The following USP34 variants were observed in gnomAD, a reference collection of about 807,000 sequenced individuals.
USP34 encodes the protein ubiquitin carboxyl-terminal hydrolase 34.
A neutral mutation model predicts 460.3 loss-of-function variants in USP34; 70 were observed. The observed-to-expected ratio is 0.15, with a 90% CI of 0.13 to 0.19. The LOEUF is 0.19. Among genes scored for constraint, USP34 ranks in the 10% least tolerant of loss-of-function variants. USP34 has a pLI of 1.00. For missense variants in USP34, 3,985 were observed against 4,236.2 expected (o/e 0.94, Z 1.65); for synonymous variants, 1,647 against 1,405.3 (o/e 1.17, Z -3.85).
chr2:61,351,419 G>A (rs1400932156), intron 10 of USP34, among the ~76,000 whole-genome samples: 2 of 151,748 alleles, frequency 1.3e-5, no homozygotes, highest in Non-Finnish European at 2.9e-5. Context: ...ATTCATGAGG[G>A]ACAATATTTA....
chr2:61,318,697 GACA>G (rs1466548152), intron 22 of USP34, among the ~76,000 whole-genome samples: 1 of 152,056 alleles, frequency 6.6e-6, no homozygotes, highest in Non-Finnish European at 1.5e-5. Flanking sequence ...TTACGATAAT[GACA>G]ACACTTCTTA....
chr2:61,218,357 T>C (rs1687464695), intron 67 of USP34, among the ~76,000 whole-genome samples: 1 of 148,938 alleles, frequency 6.7e-6, no homozygotes, highest in Admixed American at 6.7e-5. Context: ...AGAGTGCCCA[T>C]GCCAATCCAT....
intron 27 of USP34, among the ~76,000 whole-genome samples, chr2:61,309,239 T>C (rs1690511425): frequency 6.6e-6 from 1 of 152,254 alleles, no homozygotes; most frequent in African/African-American, 2.4e-5. Context: ...TGTTTAATGA[T>C]GCAAGGAATA....
intron 1 of USP34, among the ~76,000 whole-genome samples, chr2:61,428,165 CAA>C (rs376451824): frequency 2.1e-4 from 14 of 66,268 alleles, no homozygotes; most frequent in Admixed American, 4.3e-4. Context: ...AACTCCGTCA[CAA>C]AAAAAAAAAA....
intron 75 of USP34, among the ~76,000 whole-genome samples, chr2:61,194,589 G>A (rs367577174): frequency 7.9e-5 from 12 of 152,306 alleles, no homozygotes; most frequent in African/African-American, 9.6e-5. Flanking sequence ...GCCTTGAACC[G>A]CTGTGCTCAA....
At chr2:61,284,773 C>A in intron 35 of USP34, 102 bp downstream of exon 35, 1 of 842,666 alleles carries the variant, frequency 1.2e-6, no homozygotes, top group Non-Finnish European at 1.8e-6. Context: ...TCATAATATC[C>A]CCCAAATTTT....
intron 41 of USP34, among the ~76,000 whole-genome samples, chr2:61,273,692 G>T (rs2103939623): frequency 6.6e-6 from 1 of 152,240 alleles, no homozygotes; most frequent in Non-Finnish European, 1.5e-5. Context: ...TCCAGCCTGG[G>T]TGACAGAGTG....
intron 21 of USP34, among the ~76,000 whole-genome samples, chr2:61,319,908 C>A (rs1690864156): frequency 6.6e-6 from 1 of 152,108 alleles, no homozygotes; most frequent in African/African-American, 2.4e-5. Context: ...ATATTAAACA[C>A]TGGAATAAAT....
At chr2:61,247,796 CTTATTT>C (rs1029584171) in intron 49 of USP34, among the ~76,000 whole-genome samples, 4 of 152,304 alleles carry the variant, frequency 2.6e-5, no homozygotes, top group East Asian at 1.9e-4. Flanking sequence ...TGTCCTACAA[CTTATTT>C]TTATTTTTTT....
intron 1 of USP34, among the ~76,000 whole-genome samples, chr2:61,444,285 T>C (rs942858932): frequency 1.1e-4 from 16 of 151,930 alleles, no homozygotes; most frequent in Non-Finnish European, 1.8e-4. Flanking sequence ...CTCAAAAGCC[T>C]AAGAATTAAA....
At chr2:61,291,967 A>G (rs1183469694) in intron 33 of USP34, among the ~76,000 whole-genome samples, 1 of 152,162 alleles carries the variant, frequency 6.6e-6, no homozygotes, top group East Asian at 1.9e-4. Flanking sequence ...ACGATGGACC[A>G]TATATTGTAT....
At position 61,386,180 on chromosome 2, in the gene USP34, T is replaced by C. The variant is rs72813577; in HGVS notation, c.754-2844A>G. Among the ~76,000 whole-genome samples the C allele has an allele frequency of 8.1e-3, 1,234 of 152,128 alleles. 19 individuals are homozygous for C. The highest frequency in any genetic ancestry group is 0.028 in the African/African-American group (1,163 of 41,498). ...ACATAAAAACATCCGATTTGGCTCATTGTAGTGATGAGGCATGAGTCACCT... is the reference window on the plus strand; with the variant it reads ...ACATAAAAACATCCGATTTGGCTCACTGTAGTGATGAGGCATGAGTCACCT... On this transcript the variant is annotated intron_variant, in intron 5 of 79. Transcript: ENST00000398571.
chr2:61,213,704 T>G (rs1318198019), intron 68 of USP34, among the ~76,000 whole-genome samples: 1 of 152,224 alleles, frequency 6.6e-6, no homozygotes, highest in East Asian at 1.9e-4. Context: ...TAGATTTTGC[T>G]AAGTATCTGA....
At chr2:61,380,902 C>T (rs888365681) in intron 6 of USP34, among the ~76,000 whole-genome samples, 8 of 152,208 alleles carry the variant, frequency 5.3e-5, no homozygotes, top group Admixed American at 3.9e-4. Context: ...TTCCCGCTCA[C>T]CCCACAAGAC....
In USP34 at chr2:61,214,262, T is replaced by C; in HGVS notation, c.8480A>G (p.Lys2827Arg). The C allele has an allele frequency of 6.2e-7, 1 of 1,614,226 alleles. No homozygotes were observed. Among genetic ancestry groups the C allele is most frequent in the Non-Finnish European group, 8.5e-7 (1 of 1,180,038 alleles). The change falls in exon 68 of 80, where the codon AAG becomes AGG. Residue 2827 changes from lysine (K) to arginine (R), a missense_variant. Physicochemically the swap from Lys to Arg is conservative, Grantham distance 26. This residue lies in a region of USP34 where 66 missense variants were observed against 121.2 expected (regional missense o/e 0.54). Transcript: ENST00000398571. ...AAGGATGTAATTGAAGGCAATGTTC[T>C]TGGTTACCACTGGGTTCTGAACAAT... ...RLIVQNPVVT[K>R]NIAFNYILAD...
At chr2:61,398,487 C>CA (rs1693607926) in intron 3 of USP34, among the ~76,000 whole-genome samples, 1 of 93,780 alleles carries the variant, frequency 1.1e-5, no homozygotes, top group Non-Finnish European at 2.1e-5. Context: ...GAGGCGGAAG[C>CA]GGGGGAAGGA....
intron 2 of USP34, 89 bp downstream of exon 2, chr2:61,420,657 A>G: frequency 2.3e-6 from 2 of 868,288 alleles, no homozygotes; most frequent in South Asian, 3.9e-5. Flanking sequence ...ATCTAACCCA[A>G]CACCCTAAAA....
At chr2:61,391,677 A>G (rs1393728737) in intron 5 of USP34, among the ~76,000 whole-genome samples, 2 of 152,222 alleles carry the variant, frequency 1.3e-5, no homozygotes, top group Admixed American at 6.5e-5. Context: ...GAAAAGGAAT[A>G]GACATACAAA....
intron 1 of USP34, among the ~76,000 whole-genome samples, chr2:61,435,307 C>CAAAAAAAAAAAAAAAAAAA (rs59158283): frequency 4.9e-5 from 2 of 40,954 alleles, no homozygotes; most frequent in African/African-American, 1.0e-4. Flanking sequence ...GACCTTGTTT[C>CAAAAAAAAAAAAAAAAAAA]AAAAAAAAAA....
Sources: allele counts gnomAD v4.1 joint callset (sites outside exome capture counted in the v4.1 genomes callset), GRCh38; gene constraint gnomAD v4.1.1; regional missense constraint gnomAD v4.1.1; transcripts MANE v1.5; gene names NCBI Gene and HGNC (gene_info 2026-07-23, HGNC 2026-07-21).